AGBL4: variants seen among roughly 807,000 people sequenced by gnomAD.
The protein encoded by AGBL4 is AGBL carboxypeptidase 4, also known as cytosolic carboxypeptidase 6.
A neutral mutation model predicts 66.4 loss-of-function variants in AGBL4; 58 were observed. The observed-to-expected ratio is 0.87, with a 90% CI of 0.71 to 1.09. The LOEUF (loss-of-function observed/expected upper bound fraction) is 1.09. Ranked by LOEUF, AGBL4 falls within the 50% of genes least tolerant of loss-of-function variation. AGBL4 has a pLI of 0.00. For synonymous variants in AGBL4, 234 were observed against 222.9 expected, an observed-to-expected ratio of 1.05 and a Z score of -0.44; for missense variants, 579 against 631.0, an observed-to-expected ratio of 0.92 and a Z score of 0.88.
intron 6 of AGBL4, among the ~76,000 whole-genome samples, chr1:48,668,761 T>G (rs943485533): frequency 3.9e-5 from 6 of 152,188 alleles, no homozygotes; most frequent in African/African-American, 1.4e-4. Flanking sequence ...AATGTGAGGA[T>G]ATCACTGTGT....
intron 3 of AGBL4, among the ~76,000 whole-genome samples, chr1:49,413,258 T>G (rs1324129446): frequency 6.6e-6 from 1 of 152,142 alleles, no homozygotes; most frequent in Non-Finnish European, 1.5e-5. Context: ...CATTCAACAT[T>G]TATTTAACAA....
At chr1:49,902,555 T>A (rs1225162160) in intron 1 of AGBL4, among the ~76,000 whole-genome samples, 1 of 152,172 alleles carries the variant, frequency 6.6e-6, no homozygotes, top group Admixed American at 6.5e-5. Flanking sequence ...AAGATCAGCC[T>A]GGCCAACATG....
chr1:48,865,440 G>T (rs1363138821), intron 6 of AGBL4, among the ~76,000 whole-genome samples: 1 of 152,106 alleles, frequency 6.6e-6, no homozygotes, highest in African/African-American at 2.4e-5. Flanking sequence ...TAGCCCATTT[G>T]CAATACACCA....
intron 3 of AGBL4, among the ~76,000 whole-genome samples, chr1:49,550,521 G>A (rs552577199): frequency 6.6e-6 from 1 of 152,230 alleles, no homozygotes; most frequent in Admixed American, 6.5e-5. Flanking sequence ...CTCAGTATTT[G>A]TTTGTCTGAA....
At chr1:48,776,868 A>G (rs1645121345) in intron 6 of AGBL4, 2 of 1,285,140 alleles carry the variant, frequency 1.6e-6, no homozygotes, top group South Asian at 1.4e-5. Flanking sequence ...CGGGCAGCTC[A>G]GCCCGCGGGG....
At chr1:48,943,939 C>A (rs1253292582) in intron 5 of AGBL4, among the ~76,000 whole-genome samples, 1 of 152,076 alleles carries the variant, frequency 6.6e-6, no homozygotes, top group Non-Finnish European at 1.5e-5. Context: ...GAGGTAAAGA[C>A]AACAGAACAA....
At chr1:49,229,364 C>T (rs1650139977) in intron 4 of AGBL4, among the ~76,000 whole-genome samples, 1 of 152,130 alleles carries the variant, frequency 6.6e-6, no homozygotes, top group Non-Finnish European at 1.5e-5. Flanking sequence ...AAAGGAAGAA[C>T]ATTTTTTAAA....
intron 1 of AGBL4, among the ~76,000 whole-genome samples, chr1:49,959,166 T>G (rs1656908176): frequency 6.6e-6 from 1 of 151,924 alleles, no homozygotes; most frequent in Non-Finnish European, 1.5e-5. Flanking sequence ...CAGATAGTAT[T>G]TGTGGAAATT....
intron 6 of AGBL4, among the ~76,000 whole-genome samples, chr1:48,715,556 T>G (rs1302105324): frequency 3.3e-5 from 5 of 152,196 alleles, no homozygotes; most frequent in Non-Finnish European, 4.4e-5. Context: ...TAGCCCAGAA[T>G]GGCTTCAGGT....
At chr1:48,836,936 AATAAAAT>A (rs1485134278) in intron 6 of AGBL4, among the ~76,000 whole-genome samples, 17 of 149,716 alleles carry the variant, frequency 1.1e-4, no homozygotes, top group Admixed American at 8.7e-4. Context: ...GTTAAAAGAT[AATAAAAT>A]ATAAAATAAT....
chr1:49,042,142 T>C (rs572020049), intron 5 of AGBL4, among the ~76,000 whole-genome samples: 3 of 152,118 alleles, frequency 2.0e-5, no homozygotes, highest in Non-Finnish European at 4.4e-5. Context: ...AAGACTTGTA[T>C]ATATACCTTG....
intron 2 of AGBL4, chr1:49,844,604 T>A (rs1646088761): frequency 2.3e-6 from 3 of 1,331,534 alleles, no homozygotes; most frequent in Non-Finnish European, 3.1e-6. Flanking sequence ...AAATCATTAG[T>A]TTCATCCTTC....
At chr1:48,970,537 G>T (rs931491986) in intron 5 of AGBL4, among the ~76,000 whole-genome samples, 5 of 152,062 alleles carry the variant, frequency 3.3e-5, no homozygotes, top group Non-Finnish European at 7.4e-5. Flanking sequence ...ATGATCTACT[G>T]TTGCATTATT....
intron 3 of AGBL4, among the ~76,000 whole-genome samples, chr1:49,584,406 C>T (rs1164523208): frequency 6.6e-6 from 1 of 152,100 alleles, no homozygotes; most frequent in Non-Finnish European, 1.5e-5. Context: ...TTACAGTATC[C>T]TTCCATTGGG....
intron 3 of AGBL4, among the ~76,000 whole-genome samples, chr1:49,426,615 A>G (rs1645665554): frequency 6.6e-6 from 1 of 152,186 alleles, no homozygotes; most frequent in South Asian, 2.1e-4. Flanking sequence ...GCTTCTACTT[A>G]TTTAATACTT....
At chr1:48,796,297 C>A (rs1369485976) in intron 6 of AGBL4, among the ~76,000 whole-genome samples, 2 of 152,230 alleles carry the variant, frequency 1.3e-5, no homozygotes, top group African/African-American at 2.4e-5. Flanking sequence ...CTCACCTCTG[C>A]ATTAATATTA....
chr1:49,627,801 G>C (rs1031835896), intron 3 of AGBL4, among the ~76,000 whole-genome samples: 1 of 152,180 alleles, frequency 6.6e-6, no homozygotes, highest in East Asian at 1.9e-4. Context: ...GTGAAAGCTA[G>C]ATTAGGGGAG....
At chr1:49,559,322 A>G (rs1643978030) in intron 3 of AGBL4, among the ~76,000 whole-genome samples, 1 of 152,152 alleles carries the variant, frequency 6.6e-6, no homozygotes, top group Non-Finnish European at 1.5e-5. Flanking sequence ...CAAGACTATC[A>G]AGGCAGTACC....
At chr1:49,241,530 A>C (rs1651235813) in intron 4 of AGBL4, among the ~76,000 whole-genome samples, 1 of 152,092 alleles carries the variant, frequency 6.6e-6, no homozygotes, top group Non-Finnish European at 1.5e-5. Flanking sequence ...CAAAGTTCTC[A>C]TTATAACAGT....
Sources: allele counts gnomAD v4.1 joint callset (sites outside exome capture counted in the v4.1 genomes callset), GRCh38; gene constraint gnomAD v4.1.1; transcripts MANE v1.5; gene names NCBI Gene and HGNC (gene_info 2026-07-23, HGNC 2026-07-21).